MED12L: variants seen among roughly 807,000 people sequenced by gnomAD.
The protein encoded by MED12L is mediator of RNA polymerase II transcription subunit 12-like protein.
A neutral mutation model predicts 281.3 loss-of-function variants in MED12L; 60 were observed. The ratio of observed to expected loss-of-function variants is 0.21; its 90% CI spans 0.17 to 0.26. MED12L has a LOEUF of 0.26. MED12L is among the 10% of genes least tolerant of loss of function. The pLI is 1.00. For synonymous variants in MED12L, 974 were observed against 987.2 expected (o/e 0.99, Z 0.25); for missense variants, 2,146 against 2,680.9 (o/e 0.80, Z 4.41).
At chr3:151,380,430 G>C (rs9868840) in intron 32 of MED12L, among the ~76,000 whole-genome samples, 136,574 of 152,070 alleles carry the variant, frequency 0.9, 61,473 homozygotes, top group African/African-American at 0.96. Flanking sequence ...AACCCCGTCT[G>C]TACTAAAAAT....
intron 16 of MED12L, among the ~76,000 whole-genome samples, chr3:151,252,384 A>T (rs1387966688): frequency 6.6e-6 from 1 of 152,186 alleles, no homozygotes; most frequent in Non-Finnish European, 1.5e-5. Flanking sequence ...GATTTTTCAT[A>T]GAAAATAATT....
intron 13 of MED12L, 141 bp downstream of exon 13, chr3:151,188,621 G>T: frequency 4.0e-6 from 3 of 757,922 alleles, no homozygotes; most frequent in South Asian, 5.8e-5. Flanking sequence ...AAAATTTTGT[G>T]GCATGTTTTT....
intron 11 of MED12L, among the ~76,000 whole-genome samples, chr3:151,174,855 C>T (rs866853877): frequency 3.9e-5 from 6 of 151,954 alleles, no homozygotes; most frequent in African/African-American, 1.2e-4. Flanking sequence ...TGCAGGCACA[C>T]GCCACACACC....
Position 151,416,410 on chromosome 3 carries a change from C to T in MED12L, c.6396C>T (p.Pro2132=). ...CCCTTGGTCTCCAAGCAATGCAGCC[C>T]CAGCAGCCCTTGGTAAGGCCTGTTG... ...SQTLGLQAMQ[P]QQPLFPRQGL... The change falls in exon 43 of 45, where the codon CCC becomes CCT. Residue 2132 remains proline, a synonymous_variant. Transcript: ENST00000687756. The T allele has an allele frequency of 6.2e-7, 1 of 1,614,008 alleles. No individual in the cohort carries two copies.
At chr3:151,277,082 G>C (rs1741988020) in intron 16 of MED12L, among the ~76,000 whole-genome samples, 1 of 151,938 alleles carries the variant, frequency 6.6e-6, no homozygotes, top group Admixed American at 6.5e-5. Flanking sequence ...ATTTTTAGTG[G>C]AGATAGGGGT....
chr3:151,198,596 AAG>A (rs1223810130), intron 16 of MED12L: 2 of 1,614,024 alleles, frequency 1.2e-6, no homozygotes, highest in Non-Finnish European at 1.7e-6. Flanking sequence ...TTTGGCTTTG[AAG>A]AGTGAAATCC....
chr3:151,143,325 C>G (rs1398431279), intron 5 of MED12L, among the ~76,000 whole-genome samples: 11 of 152,158 alleles, frequency 7.2e-5, no homozygotes, highest in African/African-American at 2.4e-4. Context: ...CATTTAGGAC[C>G]TAAATAGTAA....
intron 2 of MED12L, among the ~76,000 whole-genome samples, chr3:151,091,869 G>T (rs1290509695): frequency 6.6e-6 from 1 of 152,206 alleles, no homozygotes; most frequent in Non-Finnish European, 1.5e-5. Flanking sequence ...ACCATGGAAT[G>T]AGGTTTGTAT....
chr3:151,369,399 T>C, intron 25 of MED12L, 37 bp from the exon 26 acceptor site: 1 of 1,360,454 alleles, frequency 7.4e-7, no homozygotes, highest in Non-Finnish European at 1.0e-6. Context: ...TTACTAATGA[T>C]GGTAATGAGA....
At chr3:151,237,045 CTTTTT>C (rs56926535) in intron 16 of MED12L, among the ~76,000 whole-genome samples, 1 of 125,888 alleles carries the variant, frequency 7.9e-6, no homozygotes. Context: ...TGATGCCAAA[CTTTTT>C]TTTTTTTTTT....
At chr3:151,368,412 C>A (rs1755549374) in intron 25 of MED12L, among the ~76,000 whole-genome samples, 161 bp downstream of exon 25, 1 of 152,092 alleles carries the variant, frequency 6.6e-6, no homozygotes, top group Admixed American at 6.6e-5. Flanking sequence ...AGAGGGCTGT[C>A]AGCACCTTTT....
chr3:151,309,931 A>G (rs1747273802), intron 16 of MED12L, among the ~76,000 whole-genome samples: 5 of 152,120 alleles, frequency 3.3e-5, no homozygotes, highest in Admixed American at 3.3e-4. Context: ...CTGAAGTGAA[A>G]TGGTACAACC....
intron 16 of MED12L, among the ~76,000 whole-genome samples, chr3:151,298,684 G>A (rs1208076539): frequency 6.6e-6 from 1 of 152,158 alleles, no homozygotes; most frequent in Non-Finnish European, 1.5e-5. Flanking sequence ...GGGAACTTTG[G>A]CTGTCTTTGC....
At position 151,368,173 on chromosome 3, in the gene MED12L, C is replaced by T. The variant is rs757116515; in HGVS notation, c.3472C>T (p.Pro1158Ser). 1.2e-6 allele frequency: 2 copies of T among 1,614,030 alleles called. No individual in the cohort carries two copies. The highest frequency in any genetic ancestry group is 2.7e-5 in the African/African-American group (2 of 75,004). The stretch of plus-strand genomic sequence containing the variant: ...AGCTTGTGGGGATGCGGACGCCGAG[C>T]CTGGGGCGAGAATGACATGCCGACT... ...AAACGDADAE[P>S]GARMTCRLLL... Residue 1158 changes from proline to serine, a missense_variant, in exon 25 of 45, where the codon CCT (proline) becomes TCT (serine). Transcript: ENST00000687756.
rs967680584 is a variant in MED12L at position 151,390,111 on chromosome 3, C to A, written c.5584C>A (p.Leu1862Ile). 1 of 1,613,974 alleles carries A rather than the reference C, an allele frequency of 6.2e-7. No individual in the cohort carries two copies. The highest frequency in any genetic ancestry group is 8.5e-7 in the Non-Finnish European group (1 of 1,179,962). ...VGQPQQPGFF[L>I]QNQSLTPGGS... ...CCAGCCCCAGCAGCCCGGCTTTTTC[C>A]TTCAGAACCAATCTCTTACTCCAGG... Residue 1862 changes from leucine to isoleucine, a missense_variant, in exon 38 of 45, where the codon CTT becomes ATT. Physicochemically the swap from Leu to Ile is conservative, Grantham distance 5 (BLOSUM62 2). This residue lies in a region of MED12L where 496 missense variants were observed against 512.0 expected (regional missense o/e 0.97). Coordinates refer to ENST00000687756, the MANE Select transcript of MED12L (RefSeq NM_001393769.1).
chr3:151,401,578 A>G (rs760640847), intron 39 of MED12L, among the ~76,000 whole-genome samples: 4 of 152,256 alleles, frequency 2.6e-5, no homozygotes, highest in African/African-American at 2.4e-5. Flanking sequence ...TAACTTTGCT[A>G]GCTATTCAGG....
chr3:151,356,818 CAG>C (rs1753986339), intron 19 of MED12L, among the ~76,000 whole-genome samples: 1 of 152,008 alleles, frequency 6.6e-6, no homozygotes, highest in Non-Finnish European at 1.5e-5. Context: ...TATTAGCAAA[CAG>C]AAATAAGACT....
At chr3:151,177,371 G>A (rs974499391) in intron 11 of MED12L, among the ~76,000 whole-genome samples, 1 of 152,310 alleles carries the variant, frequency 6.6e-6, no homozygotes, top group East Asian at 1.9e-4. Flanking sequence ...ACAGCCTAGT[G>A]CTGTTTTCTA....
intron 16 of MED12L, among the ~76,000 whole-genome samples, chr3:151,333,954 C>G (rs190465123): frequency 6.6e-6 from 1 of 151,578 alleles, no homozygotes; most frequent in African/African-American, 2.4e-5. Flanking sequence ...GGCAGGTGCC[C>G]GTAATCCCAG....
Sources: allele counts gnomAD v4.1 joint callset (sites outside exome capture counted in the v4.1 genomes callset), GRCh38; gene constraint gnomAD v4.1.1; regional missense constraint gnomAD v4.1.1; transcripts MANE v1.5; gene names NCBI Gene and HGNC (gene_info 2026-07-23, HGNC 2026-07-21).